XRN1: variants seen among roughly 807,000 people sequenced by gnomAD.
XRN1 encodes the protein 5'-3' exoribonuclease 1, also known as strand-exchange protein 1 homolog.
XRN1 carries 67 observed loss-of-function variants against 222.3 expected under a neutral mutation model. That is an observed-to-expected ratio of 0.30 (90% confidence interval 0.25 to 0.37). XRN1 has a LOEUF of 0.37. Among genes scored for constraint, XRN1 ranks in the 10% least tolerant of loss-of-function variants. XRN1 has a pLI of 1.00. For missense variants in XRN1, 1,707 were observed against 2,000.2 expected, an observed-to-expected ratio of 0.85 and a Z score of 2.80; for synonymous variants, 643 against 652.4, an observed-to-expected ratio of 0.99 and a Z score of 0.22.
chr3:142,353,292 C>G (rs949605359), intron 32 of XRN1, among the ~76,000 whole-genome samples: 1 of 152,048 alleles, frequency 6.6e-6, no homozygotes, highest in African/African-American at 2.4e-5. Flanking sequence ...GGTCCAGAAA[C>G]TAAGGTCTGA....
chr3:142,402,636 A>C (rs1252588844), intron 18 of XRN1, among the ~76,000 whole-genome samples: 1 of 152,196 alleles, frequency 6.6e-6, no homozygotes, highest in Non-Finnish European at 1.5e-5. Flanking sequence ...GACTTAGGGC[A>C]TTAGGGCTTA....
chr3:142,379,343 C>T (rs1025877421), intron 23 of XRN1, among the ~76,000 whole-genome samples: 1 of 152,132 alleles, frequency 6.6e-6, no homozygotes, highest in Non-Finnish European at 1.5e-5. Flanking sequence ...TAGGATTCTA[C>T]ACCCAGGCAA....
At chr3:142,382,790 T>C (rs111526815) in intron 22 of XRN1, among the ~76,000 whole-genome samples, 1 of 152,192 alleles carries the variant, frequency 6.6e-6, no homozygotes, top group African/African-American at 2.4e-5. Flanking sequence ...TATACACATA[T>C]ATATGTGCCT....
intron 27 of XRN1, among the ~76,000 whole-genome samples, chr3:142,365,887 T>TA (rs2066798305): frequency 6.6e-6 from 1 of 152,192 alleles, no homozygotes; most frequent in South Asian, 2.1e-4. Context: ...TATATATTTT[T>TA]AAAAAGTATC....
intron 20 of XRN1, among the ~76,000 whole-genome samples, chr3:142,395,258 G>T (rs2067885069): frequency 6.6e-6 from 1 of 152,170 alleles, no homozygotes; most frequent in Admixed American, 6.6e-5. Flanking sequence ...ATGGTATCAG[G>T]GGGGAATATG....
At chr3:142,415,344 G>C (rs2068742993) in intron 13 of XRN1, among the ~76,000 whole-genome samples, 1 of 152,126 alleles carries the variant, frequency 6.6e-6, no homozygotes. Context: ...AAAAAATGGA[G>C]GAGTTTAGGA....
At chr3:142,311,977 GT>G (rs1338790064) in intron 40 of XRN1, among the ~76,000 whole-genome samples, 164 bp from the exon 41 acceptor site, 1 of 152,114 alleles carries the variant, frequency 6.6e-6, no homozygotes, top group Non-Finnish European at 1.5e-5. Context: ...AAAGGACTTA[GT>G]TACAAACAAA....
In XRN1 at chr3:142,365,083, C is replaced by T; in HGVS notation, c.3358G>A (p.Val1120Ile). The change falls in exon 29 of 41, where the codon GTT becomes ATT. Residue 1120 changes from valine to isoleucine, a missense_variant. Coordinates refer to ENST00000392981, the MANE Select transcript of XRN1 (RefSeq NM_001282857.2). ...VNVRENFSVP[V>I]GLRGTIIGIK... ...CCTATGATGGTGCCTCGAAGGCCAA[C>T]TGGAACTGAGAAGTTTTCTCTCACA... 1.2e-6 allele frequency: 2 copies of T among 1,613,324 alleles called. No homozygotes were observed. The highest frequency in any genetic ancestry group is 1.7e-6 in the Non-Finnish European group (2 of 1,179,670).
At chr3:142,358,643 T>C (rs754658490) in intron 30 of XRN1, among the ~76,000 whole-genome samples, 15 of 152,240 alleles carry the variant, frequency 9.9e-5, no homozygotes, top group Admixed American at 1.3e-4. Context: ...TTTTGGAAAG[T>C]TAGTGAATCA....
chr3:142,434,376 C>A (rs2069774760), intron 1 of XRN1, among the ~76,000 whole-genome samples: 1 of 152,008 alleles, frequency 6.6e-6, no homozygotes, highest in Non-Finnish European at 1.5e-5. Context: ...AGCCATGTTG[C>A]CCAGGTTGGT....
At chr3:142,427,506 T>C (rs1183339757) in intron 2 of XRN1, among the ~76,000 whole-genome samples, 1 of 152,210 alleles carries the variant, frequency 6.6e-6, no homozygotes, top group African/African-American at 2.4e-5. Flanking sequence ...CATCTAATGA[T>C]AATGACATTT....
At chr3:142,342,807 C>T (rs2066034987) in intron 33 of XRN1, among the ~76,000 whole-genome samples, 1 of 152,086 alleles carries the variant, frequency 6.6e-6, no homozygotes, top group African/African-American at 2.4e-5. Context: ...AAGTCTAAGC[C>T]TAAAGTATGA....
chr3:142,430,738 G>A (rs73238189), intron 2 of XRN1, among the ~76,000 whole-genome samples: 5,010 of 152,160 alleles, frequency 0.033, 119 homozygotes, highest in Non-Finnish European at 0.047. Flanking sequence ...CTAATGACCC[G>A]TCAAACACTC....
intron 20 of XRN1, among the ~76,000 whole-genome samples, chr3:142,389,419 G>A (rs1224408565): frequency 1.3e-5 from 2 of 152,184 alleles, no homozygotes; most frequent in Admixed American, 1.3e-4. Context: ...TCAAATTCCT[G>A]CTAATGTTGA....
intron 1 of XRN1, among the ~76,000 whole-genome samples, chr3:142,440,531 C>A (rs1214267759): frequency 1.3e-5 from 2 of 151,986 alleles, no homozygotes; most frequent in South Asian, 4.2e-4. Flanking sequence ...GGCAGTACCC[C>A]CTTAGACCCG....
intron 27 of XRN1, among the ~76,000 whole-genome samples, chr3:142,367,988 A>G (rs1300094496): frequency 1.3e-5 from 2 of 151,256 alleles, no homozygotes; most frequent in African/African-American, 4.9e-5. Flanking sequence ...TGACAAATTA[A>G]CAGGTTTAAG....
intron 37 of XRN1, among the ~76,000 whole-genome samples, chr3:142,327,369 T>C (rs1486726682): frequency 6.6e-6 from 1 of 152,164 alleles, no homozygotes; most frequent in Non-Finnish European, 1.5e-5. Context: ...TTCTTCTAAG[T>C]TTTCCAATTT....
At chr3:142,412,067 G>A (rs1471791648) in intron 15 of XRN1, among the ~76,000 whole-genome samples, 1 of 151,796 alleles carries the variant, frequency 6.6e-6, no homozygotes, top group East Asian at 1.9e-4. Context: ...CTTGTGATCT[G>A]CCCGCCTCAG....
intron 15 of XRN1, among the ~76,000 whole-genome samples, chr3:142,406,669 G>A (rs2068352524): frequency 6.6e-6 from 1 of 151,890 alleles, no homozygotes; most frequent in African/African-American, 2.4e-5. Context: ...TGGGAATACA[G>A]GTATACACCA....
Sources: allele counts gnomAD v4.1 joint callset (sites outside exome capture counted in the v4.1 genomes callset), GRCh38; gene constraint gnomAD v4.1.1; transcripts MANE v1.5; gene names NCBI Gene and HGNC (gene_info 2026-07-23, HGNC 2026-07-21).